The following ZFAT variants were observed in gnomAD, a reference collection of about 807,000 sequenced individuals.
ZFAT encodes zinc finger and AT-hook domain containing.
ZFAT carries 64 observed loss-of-function variants against 117.7 expected under a neutral mutation model. The observed-to-expected ratio is 0.54, with a 90% CI of 0.44 to 0.67. The LOEUF (loss-of-function observed/expected upper bound fraction) is 0.67, where lower values mean the gene tolerates loss of function less well. Among genes scored for constraint, ZFAT ranks in the 30% least tolerant of loss-of-function variants. The probability of loss-of-function intolerance (pLI) is 0.00; values close to 1 mark genes in which losing one functional copy is unlikely to be tolerated. For synonymous variants in ZFAT, 679 were observed against 615.0 expected (o/e 1.10, Z -1.54); for missense variants, 1,433 against 1,584.5 (o/e 0.90, Z 1.62).
upstream of ZFAT, among the ~76,000 whole-genome samples, chr8:134,717,466 CTTTTTTTTTTTTTTT>C (rs746460924): frequency 1.7e-3 from 32 of 19,354 alleles, 1 homozygote; most frequent in East Asian, 6.1e-3. Context: ...AATAACAACT[CTTTTTTTTTTTTTTT>C]TTTTTTTTTT....
At chr8:134,667,807 G>A (rs1024388156) in intron 1 of ZFAT, among the ~76,000 whole-genome samples, 5 of 152,122 alleles carry the variant, frequency 3.3e-5, no homozygotes, top group Non-Finnish European at 5.9e-5. Context: ...GAAGCAGGGC[G>A]AGGCATCACC....
At chr8:134,546,814 G>A (rs1229210050) in intron 11 of ZFAT, among the ~76,000 whole-genome samples, 1 of 152,182 alleles carries the variant, frequency 6.6e-6, no homozygotes, top group Non-Finnish European at 1.5e-5. Flanking sequence ...AAGGACTGGA[G>A]CTAATGTAAA....
chr8:134,773,666 G>A, the ZFAT span, among the ~76,000 whole-genome samples: 1 of 152,204 alleles, frequency 6.6e-6, no homozygotes, highest in Non-Finnish European at 1.5e-5. Context: ...ACATTAACAG[G>A]AATGTGGAAG....
At chr8:134,702,439 G>A (rs1247070754) in intron 1 of ZFAT, among the ~76,000 whole-genome samples, 1 of 152,146 alleles carries the variant, frequency 6.6e-6, no homozygotes, top group Non-Finnish European at 1.5e-5. Flanking sequence ...GTTGTAGGAG[G>A]AACCCAATGG....
intron 2 of ZFAT, among the ~76,000 whole-genome samples, chr8:134,646,499 G>A (rs1043073372): frequency 3.3e-5 from 5 of 151,498 alleles, no homozygotes; most frequent in African/African-American, 1.2e-4. Context: ...ACAACTCAAG[G>A]AATTAGACAA....
chr8:134,786,798 AT>A, the ZFAT span, among the ~76,000 whole-genome samples: 1 of 151,460 alleles, frequency 6.6e-6, no homozygotes, highest in African/African-American at 2.4e-5. Context: ...AATAATTTTA[AT>A]TTTATCCGTT....
rs182410052 is a variant in ZFAT, at chr8:134,685,440, A to G, written c.19+27405T>C. On this transcript the variant is annotated intron_variant, in intron 1 of 15. Transcript: ENST00000377838. ...CGTCATGGTTAGAGGGACATTTCAA[A>G]TGATTAATTACAACTAAGAAAAGTA... 1.6e-4 allele frequency among the ~76,000 whole-genome samples: 24 copies of G among 152,262 alleles called. No homozygotes were observed. The East Asian group carries it at 4.4e-3, about 28-fold the overall frequency.
At chr8:134,678,204 C>T (rs1454215964) in intron 1 of ZFAT, among the ~76,000 whole-genome samples, 1 of 152,194 alleles carries the variant, frequency 6.6e-6, no homozygotes, top group Non-Finnish European at 1.5e-5. Flanking sequence ...ACCCCATTGT[C>T]TCAGCCCAAA....
the ZFAT span, among the ~76,000 whole-genome samples, chr8:134,751,855 T>TG: frequency 6.6e-6 from 1 of 152,342 alleles, no homozygotes; most frequent in South Asian, 2.1e-4. Context: ...CAGAGGAAGC[T>TG]GATTCATTCA....
chr8:134,753,010 C>T, the ZFAT span, among the ~76,000 whole-genome samples: 1 of 152,150 alleles, frequency 6.6e-6, no homozygotes, highest in Non-Finnish European at 1.5e-5. Context: ...TATCCAGTGT[C>T]CTGCTCCAGT....
chr8:134,520,155 A>G (rs1418113030), intron 13 of ZFAT, among the ~76,000 whole-genome samples: 1 of 152,132 alleles, frequency 6.6e-6, no homozygotes, highest in Admixed American at 6.5e-5. Flanking sequence ...ATGTCTGGAG[A>G]CATTTTTGGG....
intron 1 of ZFAT, among the ~76,000 whole-genome samples, chr8:134,659,374 A>T (rs1831816783): frequency 6.6e-6 from 1 of 152,064 alleles, no homozygotes; most frequent in Non-Finnish European, 1.5e-5. Flanking sequence ...GCAGTGGCCC[A>T]CCCCAGAGCA....
Position 134,533,707 on chromosome 8 carries a change from C to T in ZFAT, c.2977-735G>A, listed in dbSNP as rs1354341190. On this transcript the variant is annotated intron_variant, in intron 11 of 15. Coordinates refer to ENST00000377838, the MANE Select transcript of ZFAT (RefSeq NM_020863.4). Reference sequence around the variant, plus strand: ...CCACCTGGTCAAGACAAGACACTTTCGGGATGAGGCCACAAACGAGTCATG... The same window carrying T: ...CCACCTGGTCAAGACAAGACACTTTTGGGATGAGGCCACAAACGAGTCATG... Among the ~76,000 whole-genome samples the T allele has an allele frequency of 1.3e-5, 2 of 152,216 alleles. 1 individual carries two copies. The highest frequency in any genetic ancestry group is 4.1e-4 in the South Asian group (2 of 4,832).
chr8:134,697,621 G>A (rs890395927), intron 1 of ZFAT, among the ~76,000 whole-genome samples: 3 of 151,322 alleles, frequency 2.0e-5, no homozygotes, highest in Non-Finnish European at 2.9e-5. Flanking sequence ...CAGCTACTCA[G>A]GAGGCTGAGG....
intron 2 of ZFAT, among the ~76,000 whole-genome samples, chr8:134,652,449 G>C (rs1831302436): frequency 6.6e-6 from 1 of 152,202 alleles, no homozygotes; most frequent in Non-Finnish European, 1.5e-5. Context: ...TGAAGAGCCG[G>C]AAAGTCATAA....
At chr8:134,624,179 T>C (rs1201463513) in intron 3 of ZFAT, among the ~76,000 whole-genome samples, 5 of 81,746 alleles carry the variant, frequency 6.1e-5, no homozygotes, top group Middle Eastern at 5.9e-3. Context: ...CATGTGCACA[T>C]GCACACACAC....
chr8:134,717,161 A>G (rs1814220751), upstream of ZFAT, among the ~76,000 whole-genome samples: 1 of 152,214 alleles, frequency 6.6e-6, no homozygotes, highest in Admixed American at 6.5e-5. Flanking sequence ...AATGATGCAT[A>G]ATGAAGGTCA....
the ZFAT span, among the ~76,000 whole-genome samples, chr8:134,805,380 A>G: frequency 3.9e-5 from 6 of 152,204 alleles, no homozygotes; most frequent in Admixed American, 2.6e-4. Context: ...TATTTAAAAA[A>G]GCGTTAATTT....
chr8:134,678,117 GAAAT>G (rs1832891937), intron 1 of ZFAT, among the ~76,000 whole-genome samples: 1 of 152,156 alleles, frequency 6.6e-6, no homozygotes, highest in African/African-American at 2.4e-5. Context: ...GCAAGAGAAA[GAAAT>G]AAAGGGTATT....
Sources: gnomAD v4.1 joint callset for allele counts (sites outside exome capture counted in the v4.1 genomes callset) on GRCh38, gnomAD v4.1.1 for gene constraint, MANE v1.5 for transcripts, NCBI Gene and HGNC (gene_info 2026-07-23, HGNC 2026-07-21) for gene names.